The following PARP4 variants were observed in gnomAD, a reference collection of about 807,000 sequenced individuals.
PARP4 encodes the protein poly(ADP-ribose) polymerase family member 4, also known as protein mono-ADP-ribosyltransferase PARP4.
A neutral mutation model predicts 187.7 loss-of-function variants in PARP4; 120 were observed. That is an observed-to-expected ratio of 0.64 (90% CI 0.55 to 0.74). PARP4 has a LOEUF of 0.74. Among genes scored for constraint, PARP4 ranks in the 30% least tolerant of loss-of-function variants. The pLI, the probability that PARP4 is intolerant of heterozygous loss-of-function variation, is 0.00. For missense variants in PARP4, 1,836 were observed against 2,070.5 expected (o/e 0.89, Z 2.20); for synonymous variants, 654 against 740.9 (o/e 0.88, Z 1.90).
intron 15 of PARP4, among the ~76,000 whole-genome samples, chr13:24,472,510 A>G (rs1198198881): frequency 6.6e-6 from 1 of 152,184 alleles, no homozygotes; most frequent in Non-Finnish European, 1.5e-5. Context: ...ACATCATGGC[A>G]CTGTACTTGA....
At chr13:24,505,760 T>C (rs1447013959) in intron 1 of PARP4, among the ~76,000 whole-genome samples, 1 of 152,204 alleles carries the variant, frequency 6.6e-6, no homozygotes, top group African/African-American at 2.4e-5. Context: ...TGTCAATTTT[T>C]AAAAACAAGG....
At chr13:24,434,291 T>A (rs937082856) in intron 31 of PARP4, 104 bp downstream of exon 31, 5 of 1,111,022 alleles carry the variant, frequency 4.5e-6, no homozygotes, top group Admixed American at 4.9e-5. Context: ...CTTCCTTCAC[T>A]ACAGACTGAT....
intron 24 of PARP4, 57 bp from the exon 25 acceptor site, chr13:24,449,874 A>C (rs1400320102): frequency 5.6e-6 from 6 of 1,065,216 alleles, no homozygotes; most frequent in Non-Finnish European, 7.2e-6. Flanking sequence ...TTTGAAGTAC[A>C]TGTTAACAGT....
chr13:24,483,712 T>TG (rs1873400279), intron 12 of PARP4, among the ~76,000 whole-genome samples: 1 of 151,862 alleles, frequency 6.6e-6, no homozygotes, highest in South Asian at 2.1e-4. Context: ...CTGCAATCTC[T>TG]GCCTCCTAGG....
In PARP4 at chr13:24,510,446, T is replaced by C. The variant is rs972755638; in HGVS notation, c.-2+2260A>G. Among the ~76,000 whole-genome samples the C allele has an allele frequency of 3.4e-4, 50 of 148,490 alleles. 1 individual carries two copies. In the South Asian group the frequency reaches 9.8e-3, roughly 29 times the overall value. Reference sequence around the variant, plus strand: ...GCGGGTGCCTGTAGTCCCAGCTACTTGGGAGGCTGAGGCAGGGGAATGGCG... The same window carrying C: ...GCGGGTGCCTGTAGTCCCAGCTACTCGGGAGGCTGAGGCAGGGGAATGGCG... On this transcript the variant is annotated intron_variant, in intron 1 of 33. Transcript: ENST00000381989.
At chr13:24,483,739 G>A (rs974516351) in intron 12 of PARP4, among the ~76,000 whole-genome samples, 1 of 152,018 alleles carries the variant, frequency 6.6e-6, no homozygotes, top group African/African-American at 2.4e-5. Flanking sequence ...CCAGTCTCCT[G>A]CCTCACCCTC....
At chr13:24,453,520 C>T (rs1871645367) in intron 23 of PARP4, 67 bp downstream of exon 23, 10 of 952,146 alleles carry the variant, frequency 1.1e-5, no homozygotes, top group African/African-American at 1.6e-5. Flanking sequence ...GTGGCCTAAG[C>T]CCTGGAGGTC....
In PARP4 at chr13:24,475,345, A is replaced by C. The variant is rs890759516; in HGVS notation, c.1914+127T>G. On this transcript the variant is annotated intron_variant, in intron 15 of 33. Transcript: ENST00000381989. ...GTCCCTGGCATGGAGTGCTCAGTGAATATCTCTTGAATAAAATACATTTTA... is the reference window on the plus strand; with the variant it reads ...GTCCCTGGCATGGAGTGCTCAGTGACTATCTCTTGAATAAAATACATTTTA... 2.6e-5 allele frequency: 24 copies of C among 919,340 alleles called. No homozygotes were observed. In the African/African-American group the frequency reaches 3.5e-4, roughly 13 times the overall value. The allele number at this position is 919,340 out of a possible 1,614,324, so 56.9% of individuals were successfully genotyped here. A position where few individuals can be genotyped will look rare whatever the true frequency, so the allele number is the denominator to read the frequency against.
At chr13:24,497,432 A>G (rs982515833) in intron 6 of PARP4, among the ~76,000 whole-genome samples, 11 of 152,216 alleles carry the variant, frequency 7.2e-5, no homozygotes, top group African/African-American at 2.2e-4. Flanking sequence ...GAAGTATATC[A>G]GTGGAATGCT....
In PARP4 at chr13:24,486,917, G is replaced by A. The variant is rs570121363; in HGVS notation, c.1215-612C>T. The stretch of plus-strand genomic sequence containing the variant: ...GTAGAGGTTGCAATGAGCCGAGATC[G>A]CGCCACTGCACTCCAGACTGGGCGA... On this transcript the variant is annotated intron_variant, in intron 10 of 33. Coordinates refer to ENST00000381989, the MANE Select transcript of PARP4 (RefSeq NM_006437.4). 1.1e-3 allele frequency among the ~76,000 whole-genome samples: 169 copies of A among 149,974 alleles called. 1 individual carries two copies. The highest frequency in any genetic ancestry group is 3.8e-3 in the African/African-American group (153 of 40,662).
chr13:24,425,300 CAATA>C (rs927799120), intron 33 of PARP4, among the ~76,000 whole-genome samples: 3 of 151,954 alleles, frequency 2.0e-5, no homozygotes, highest in African/African-American at 4.8e-5. Context: ...GACTTTGTCT[CAATA>C]AATAAATAAA....
At chr13:24,462,036 GC>G (rs1872237406) in intron 17 of PARP4, among the ~76,000 whole-genome samples, 1 of 152,152 alleles carries the variant, frequency 6.6e-6, no homozygotes, top group Non-Finnish European at 1.5e-5. Context: ...GAATTTGGCT[GC>G]CACTAAGATA....
intron 1 of PARP4, among the ~76,000 whole-genome samples, chr13:24,505,181 C>CA (rs905776949): frequency 7.9e-5 from 12 of 151,992 alleles, no homozygotes; most frequent in African/African-American, 2.7e-4. Context: ...AGAGAGGAGA[C>CA]AGAGCTAGAG....
intron 31 of PARP4, 137 bp from the exon 32 acceptor site, chr13:24,431,613 C>T (rs1326042402): frequency 3.1e-6 from 2 of 637,520 alleles, no homozygotes; most frequent in African/African-American, 3.8e-5. Flanking sequence ...ATTAGAAGCC[C>T]AAACCTCAGC....
In PARP4 at chr13:24,501,621, T is replaced by C. The variant is rs752064558; in HGVS notation, c.334+12A>G. On this transcript the variant is annotated intron_variant, in intron 3 of 33. Coordinates refer to ENST00000381989, the MANE Select transcript of PARP4 (RefSeq NM_006437.4). ...CCTATGATACGTTAAATGCTTGCTA[T>C]GAAATACCTACCAGAACTGCTCGCC... The C allele has an allele frequency of 3.1e-6, 5 of 1,591,792 alleles. No individual in the cohort carries two copies. The highest frequency in any genetic ancestry group is 4.3e-6 in the Non-Finnish European group (5 of 1,159,884).
intron 2 of PARP4, among the ~76,000 whole-genome samples, chr13:24,502,396 A>G (rs1207423158): frequency 7.2e-5 from 11 of 152,222 alleles, no homozygotes; most frequent in Admixed American, 7.2e-4. Context: ...AAAATAAAAT[A>G]ATGACGACGT....
intron 9 of PARP4, among the ~76,000 whole-genome samples, chr13:24,492,094 T>C (rs1868684772): frequency 1.3e-5 from 2 of 152,210 alleles, no homozygotes; most frequent in South Asian, 2.1e-4. Flanking sequence ...AGAACGTAAA[T>C]GTCCTTATCG....
chr13:24,490,874 AAATT>A (rs754181898), intron 9 of PARP4, 46 bp from the exon 10 acceptor site: 1 of 1,465,430 alleles, frequency 6.8e-7, no homozygotes, highest in South Asian at 1.2e-5. Context: ...CCACATATCA[AAATT>A]AATATTTATA....
chr13:24,449,484 T>C (rs189814383), intron 25 of PARP4, among the ~76,000 whole-genome samples: 27 of 149,820 alleles, frequency 1.8e-4, no homozygotes, highest in Admixed American at 1.7e-3. Flanking sequence ...TTAAAAAAAA[T>C]CAGTCCATGA....
Sources: allele counts gnomAD v4.1 joint callset (sites outside exome capture counted in the v4.1 genomes callset), GRCh38; gene constraint gnomAD v4.1.1; transcripts MANE v1.5; gene names NCBI Gene and HGNC (gene_info 2026-07-23, HGNC 2026-07-21).